KIZ: variants seen among roughly 807,000 people sequenced by gnomAD.
The protein encoded by KIZ is centrosomal protein kizuna.
KIZ carries 68 observed loss-of-function variants against 79.6 expected under a neutral mutation model. That is an observed-to-expected ratio of 0.85 (90% CI 0.70 to 1.05). The LOEUF (loss-of-function observed/expected upper bound fraction) is 1.05, where lower values mean the gene tolerates loss of function less well. KIZ is among the 50% of genes least tolerant of loss of function. KIZ has a pLI of 0.00. For synonymous variants in KIZ, 280 were observed against 281.8 expected (o/e 0.99, Z 0.06); for missense variants, 797 against 800.4 (o/e 1.00, Z 0.05).
chr20:21,190,072 C>T (rs2035047441), intron 6 of KIZ, among the ~76,000 whole-genome samples: 1 of 152,226 alleles, frequency 6.6e-6, no homozygotes, highest in South Asian at 2.1e-4. Flanking sequence ...ATACAAACTT[C>T]ACTGTGGCCT....
chr20:21,170,529 C>G (rs887904079), intron 6 of KIZ, among the ~76,000 whole-genome samples: 3 of 151,992 alleles, frequency 2.0e-5, no homozygotes, highest in Non-Finnish European at 1.5e-5. Context: ...GCTGGGACTA[C>G]AGGCACACGC....
chr20:21,140,742 G>A (rs1207319824), intron 3 of KIZ, among the ~76,000 whole-genome samples: 1 of 152,148 alleles, frequency 6.6e-6, no homozygotes, highest in Non-Finnish European at 1.5e-5. Flanking sequence ...GCTTTAGGAG[G>A]CTGAGGTGGG....
chr20:21,166,987 G>A (rs1307255841), intron 6 of KIZ, among the ~76,000 whole-genome samples: 4 of 152,194 alleles, frequency 2.6e-5, no homozygotes, highest in African/African-American at 9.7e-5. Context: ...ACAGGAAATG[G>A]CATGCAGCCT....
chr20:21,194,914 A>C (rs2035274975), intron 6 of KIZ: 1 of 152,204 alleles, frequency 6.6e-6, no homozygotes, highest in Non-Finnish European at 1.5e-5. Context: ...GTCATTTGAC[A>C]TGTAGTATCA....
At position 21,161,963 on chromosome 20, in the gene KIZ, C is replaced by T. The variant is rs1261712698; in HGVS notation, c.498C>T (p.Ala166=). The T allele has an allele frequency of 4.3e-6, 7 of 1,613,748 alleles. No homozygotes were observed. The highest frequency in any genetic ancestry group is 5.9e-6 in the Non-Finnish European group (7 of 1,179,790). The change falls in exon 5 of 13, where the codon GCC becomes GCT. Residue 166 remains alanine, a synonymous_variant. Coordinates refer to ENST00000619189, the MANE Select transcript of KIZ (RefSeq NM_018474.6). ...TCTTTATGGGCCGCCAAATGTCAGCCATCTTAAGCATGAGAGATTTCAGTA... is the reference window on the plus strand; with the variant it reads ...TCTTTATGGGCCGCCAAATGTCAGCTATCTTAAGCATGAGAGATTTCAGTA... The part of the protein sequence containing the change: ...ATIFMGRQMS[A]ILSMRDFSTE...
At chr20:21,217,961 C>A (rs2036361893) in intron 9 of KIZ, among the ~76,000 whole-genome samples, 1 of 152,136 alleles carries the variant, frequency 6.6e-6, no homozygotes, top group South Asian at 2.1e-4. Context: ...TGGACACTTT[C>A]AGTCTGTTCT....
At chr20:21,230,142 A>G (rs765039858) in intron 10 of KIZ, among the ~76,000 whole-genome samples, 1 of 152,168 alleles carries the variant, frequency 6.6e-6, no homozygotes, top group Non-Finnish European at 1.5e-5. Context: ...AATAGCATGT[A>G]ATTCCCAGTC....
At chr20:21,147,280 T>G (rs1290107610) in intron 4 of KIZ, among the ~76,000 whole-genome samples, 2 of 152,210 alleles carry the variant, frequency 1.3e-5, no homozygotes, top group African/African-American at 4.8e-5. Flanking sequence ...GTCTTTTCAT[T>G]TATATGGAAA....
At chr20:21,136,192 G>A (rs181128564) in intron 2 of KIZ, among the ~76,000 whole-genome samples, 198 bp from the exon 3 acceptor site, 3 of 152,112 alleles carry the variant, frequency 2.0e-5, no homozygotes, top group South Asian at 2.1e-4. Flanking sequence ...AGAGGAAACC[G>A]ATATGATACC....
chr20:21,222,229 A>G (rs891050555), intron 9 of KIZ, among the ~76,000 whole-genome samples: 13 of 152,240 alleles, frequency 8.5e-5, no homozygotes, highest in African/African-American at 3.1e-4. Flanking sequence ...GGATGCTTCT[A>G]TATTCAGAGA....
At chr20:21,185,087 C>G (rs190733497) in intron 6 of KIZ, among the ~76,000 whole-genome samples, 1 of 148,288 alleles carries the variant, frequency 6.7e-6, no homozygotes, top group African/African-American at 2.6e-5. Flanking sequence ...TCTGTGTGTA[C>G]GTGTGTGTAT....
In KIZ at chr20:21,230,513, G is replaced by C. The variant is rs143439196; in HGVS notation, c.1783+1398G>C. On this transcript the variant is annotated intron_variant, in intron 10 of 12. Transcript: ENST00000619189. ...CTTTTTCAGACAGATATTTTCAAGGGACATACTTACAGTACATCAGACTTA... is the reference window on the plus strand; with the variant it reads ...CTTTTTCAGACAGATATTTTCAAGGCACATACTTACAGTACATCAGACTTA... 2.2e-3 allele frequency among the ~76,000 whole-genome samples: 339 copies of C among 152,224 alleles called. 2 individuals are homozygous for C. Among genetic ancestry groups the C allele is most frequent in the African/African-American group, 7.8e-3 (324 of 41,524 alleles).
intron 6 of KIZ, among the ~76,000 whole-genome samples, chr20:21,200,325 A>G (rs1483641046): frequency 1.3e-5 from 2 of 152,084 alleles, no homozygotes; most frequent in Non-Finnish European, 2.9e-5. Context: ...CAGTTTTTCC[A>G]TGGAGCGGGT....
intron 7 of KIZ, among the ~76,000 whole-genome samples, chr20:21,210,264 C>T (rs958725648): frequency 2.6e-5 from 4 of 152,116 alleles, no homozygotes; most frequent in East Asian, 1.9e-4. Flanking sequence ...GCTTCGATCG[C>T]GCCACTGCAC....
chr20:21,147,202 A>G (rs901631092), intron 4 of KIZ, among the ~76,000 whole-genome samples: 1 of 152,094 alleles, frequency 6.6e-6, no homozygotes, highest in Non-Finnish European at 1.5e-5. Context: ...CTTTTAGGAC[A>G]TATTTAAAAT....
At chr20:21,136,345 G>A (rs928774392) in intron 2 of KIZ, 45 bp from the exon 3 acceptor site, 9 of 1,103,828 alleles carry the variant, frequency 8.2e-6, no homozygotes, top group Admixed American at 2.7e-5. Context: ...TCTTAGATTC[G>A]TCCAAGTCTA....
intron 7 of KIZ, among the ~76,000 whole-genome samples, chr20:21,207,805 G>C (rs1240571993): frequency 2.0e-5 from 3 of 152,056 alleles, no homozygotes; most frequent in African/African-American, 7.2e-5. Flanking sequence ...CTGCCTCCTG[G>C]GTTCAAGCAA....
intron 3 of KIZ, among the ~76,000 whole-genome samples, chr20:21,138,802 G>A (rs2032344649): frequency 6.6e-6 from 1 of 151,970 alleles, no homozygotes; most frequent in Non-Finnish European, 1.5e-5. Flanking sequence ...TCTGAGCCTT[G>A]CCTGAACCAG....
chr20:21,133,609 A>G (rs555509018), intron 2 of KIZ, among the ~76,000 whole-genome samples: 23 of 152,336 alleles, frequency 1.5e-4, no homozygotes, highest in African/African-American at 4.8e-4. Context: ...GACAGAGGAT[A>G]TGATTTGCTA....
Sources: gnomAD v4.1 joint callset for allele counts (sites outside exome capture counted in the v4.1 genomes callset) on GRCh38, gnomAD v4.1.1 for gene constraint, MANE v1.5 for transcripts, NCBI Gene and HGNC (gene_info 2026-07-23, HGNC 2026-07-21) for gene names.